KGD4: variants seen among roughly 807,000 people sequenced by gnomAD.
KGD4 encodes the protein alpha-ketoglutarate dehydrogenase component 4.
the KGD4 span, among the ~76,000 whole-genome samples, chr5:69,218,470 A>ATGTGTGTGTGTG: frequency 0.097 from 14,397 of 148,530 alleles, 1,103 homozygotes; most frequent in African/African-American, 0.22. Flanking sequence ...GTGTATATTA[A>ATGTGTGTGTGTG]TGTGTGTGTG....
At chr5:69,228,320 T>A in the KGD4 span, 1 of 1,604,204 alleles carries the variant, frequency 6.2e-7, no homozygotes, top group Non-Finnish European at 8.5e-7. Context: ...ACTGCAGAAA[T>A]AATAAAAACA....
chr5:69,226,524 A>G, the KGD4 span: 1 of 693,504 alleles, frequency 1.4e-6, no homozygotes. Flanking sequence ...GCTTAGATCA[A>G]AATAGTGCCT....
the KGD4 span, chr5:69,226,323 T>C: frequency 6.4e-7 from 1 of 1,572,996 alleles, no homozygotes; most frequent in South Asian, 1.1e-5. Flanking sequence ...TTCATGCATA[T>C]TACTTTTCAT....
chr5:69,226,147 T>C, the KGD4 span, among the ~76,000 whole-genome samples: 1 of 152,260 alleles, frequency 6.6e-6, no homozygotes, highest in South Asian at 2.1e-4. Context: ...TTGTGATATA[T>C]AAAGTACAAA....
At chr5:69,225,203 C>G in the KGD4 span, among the ~76,000 whole-genome samples, 34 of 150,440 alleles carry the variant, frequency 2.3e-4, no homozygotes, top group African/African-American at 8.3e-4. Flanking sequence ...CTCCTTGGTT[C>G]AAGTGATCCT....
the KGD4 span, among the ~76,000 whole-genome samples, chr5:69,219,311 C>G: frequency 6.6e-6 from 1 of 152,158 alleles, no homozygotes; most frequent in South Asian, 2.1e-4. Context: ...AATGCACATA[C>G]TGTCTCTGTA....
chr5:69,218,103 T>C, the KGD4 span: 1 of 630,106 alleles, frequency 1.6e-6, no homozygotes, highest in Non-Finnish European at 2.8e-6. Context: ...CCGTGCAGCA[T>C]CTTGGCAGGT....
the KGD4 span, among the ~76,000 whole-genome samples, chr5:69,220,802 A>G: frequency 1.3e-5 from 2 of 152,174 alleles, no homozygotes; most frequent in Admixed American, 6.5e-5. Flanking sequence ...CTGTGTAGAA[A>G]GAAGTAGACA....
chr5:69,225,392 T>C, the KGD4 span, among the ~76,000 whole-genome samples: 1 of 150,790 alleles, frequency 6.6e-6, no homozygotes, highest in African/African-American at 2.4e-5. Flanking sequence ...GCCTCCTGAG[T>C]AGCTGGGATT....
chr5:69,226,063 A>G, the KGD4 span, among the ~76,000 whole-genome samples: 1 of 152,204 alleles, frequency 6.6e-6, no homozygotes, highest in Non-Finnish European at 1.5e-5. Context: ...TAAGTCATGC[A>G]ACATAAACTC....
At chr5:69,226,433 A>G in the KGD4 span, 1 of 1,379,178 alleles carries the variant, frequency 7.3e-7, no homozygotes, top group Non-Finnish European at 1.0e-6. Flanking sequence ...TTTCTTTTAA[A>G]ATTGTGTACA....
At chr5:69,223,660 T>C in the KGD4 span, among the ~76,000 whole-genome samples, 1 of 152,188 alleles carries the variant, frequency 6.6e-6, no homozygotes. Context: ...TTCAGAAGAT[T>C]TCATATTGAC....
chr5:69,222,524 A>T, the KGD4 span, among the ~76,000 whole-genome samples: 1 of 152,170 alleles, frequency 6.6e-6, no homozygotes, highest in Non-Finnish European at 1.5e-5. Context: ...GCCAAAGAAG[A>T]GTTTGAACTT....
chr5:69,223,990 G>A, the KGD4 span, among the ~76,000 whole-genome samples: 9 of 149,884 alleles, frequency 6.0e-5, no homozygotes, highest in Non-Finnish European at 1.0e-4. Flanking sequence ...CCATGATTGC[G>A]GCACTGTACT....
At chr5:69,222,464 G>A in the KGD4 span, among the ~76,000 whole-genome samples, 1 of 152,218 alleles carries the variant, frequency 6.6e-6, no homozygotes, top group Non-Finnish European at 1.5e-5. Context: ...CAGTAGGGGA[G>A]AAAGGCTGGC....
the KGD4 span, among the ~76,000 whole-genome samples, chr5:69,221,763 T>C: frequency 6.6e-6 from 1 of 152,022 alleles, no homozygotes; most frequent in African/African-American, 2.4e-5. Context: ...ATTGATAAGC[T>C]GGACTTCATT....
At chr5:69,222,190 A>G in the KGD4 span, among the ~76,000 whole-genome samples, 1 of 151,960 alleles carries the variant, frequency 6.6e-6, no homozygotes, top group African/African-American at 2.4e-5. Context: ...CTCTTCTATA[A>G]TCATTGGCTA....
At chr5:69,229,736 T>C in the KGD4 span, 1 of 153,190 alleles carries the variant, frequency 6.5e-6, no homozygotes, top group African/African-American at 2.4e-5. Flanking sequence ...TATAACTGGC[T>C]TAGTAAGTAT....
chr5:69,229,799 A>G, the KGD4 span: 1 of 152,192 alleles, frequency 6.6e-6, no homozygotes, highest in African/African-American at 2.4e-5. Context: ...TGACTATACT[A>G]TTAAGATAGA....
Sources: gnomAD v4.1 joint callset for allele counts (sites outside exome capture counted in the v4.1 genomes callset) on GRCh38, gnomAD v4.1.1 for gene constraint, MANE v1.5 for transcripts, NCBI Gene and HGNC (gene_info 2026-07-23, HGNC 2026-07-21) for gene names.